The following VPS37A variants were observed in gnomAD, a reference collection of about 807,000 sequenced individuals.
VPS37A encodes VPS37A subunit of ESCRT-I, also known as vacuolar protein sorting-associated protein 37A.
VPS37A carries 30 observed loss-of-function variants against 49.8 expected under a neutral mutation model. That is an observed-to-expected ratio of 0.60 (90% CI 0.45 to 0.82). The LOEUF (loss-of-function observed/expected upper bound fraction) is 0.82. Among genes scored for constraint, VPS37A ranks in the 40% least tolerant of loss-of-function variants. The pLI, the probability that VPS37A is intolerant of heterozygous loss-of-function variation, is 0.00. For missense variants in VPS37A, 593 were observed against 464.4 expected, an observed-to-expected ratio of 1.28 and a Z score of -2.55; for synonymous variants, 195 against 160.6, an observed-to-expected ratio of 1.21 and a Z score of -1.62.
At chr8:17,247,453 C>G in intron 1 of VPS37A, 84 bp downstream of exon 1, 2 of 1,494,436 alleles carry the variant, frequency 1.3e-6, no homozygotes, top group Non-Finnish European at 1.8e-6. Flanking sequence ...GCGCCTCAGT[C>G]TGCTCCCCAC....
intron 10 of VPS37A, among the ~76,000 whole-genome samples, chr8:17,285,661 T>A (rs915277393): frequency 2.0e-5 from 3 of 152,190 alleles, no homozygotes; most frequent in Non-Finnish European, 4.4e-5. Flanking sequence ...AAATTGAAGT[T>A]CAGAGATGTT....
the VPS37A span, among the ~76,000 whole-genome samples, chr8:17,315,355 T>C: frequency 3.9e-5 from 6 of 151,992 alleles, no homozygotes; most frequent in African/African-American, 1.2e-4. Context: ...GGGAAATAAA[T>C]AGGTGGGGCA....
chr8:17,325,712 C>A, the VPS37A span, among the ~76,000 whole-genome samples: 1 of 152,198 alleles, frequency 6.6e-6, no homozygotes, highest in African/African-American at 2.4e-5. Context: ...TTTATTAAAT[C>A]ATTTTTGATG....
intron 1 of VPS37A, among the ~76,000 whole-genome samples, chr8:17,263,633 T>G (rs1813168313): frequency 6.6e-6 from 1 of 152,192 alleles, no homozygotes; most frequent in South Asian, 2.1e-4. Context: ...TATTTTAATA[T>G]GTTTTCAATG....
the VPS37A span, among the ~76,000 whole-genome samples, chr8:17,307,454 C>G: frequency 1.3e-5 from 2 of 152,126 alleles, no homozygotes; most frequent in Non-Finnish European, 2.9e-5. Flanking sequence ...TAAACTAGTT[C>G]AACCATTGTG....
chr8:17,299,244 T>G (rs1163769248), downstream of VPS37A: 1 of 152,184 alleles, frequency 6.6e-6, no homozygotes, highest in African/African-American at 2.4e-5. Flanking sequence ...AGACTATAGA[T>G]CTCAGAGAAA....
At chr8:17,311,016 A>C in the VPS37A span, among the ~76,000 whole-genome samples, 1 of 152,190 alleles carries the variant, frequency 6.6e-6, no homozygotes, top group Non-Finnish European at 1.5e-5. Flanking sequence ...CAACAACAAA[A>C]GGCTGTGAAA....
intron 6 of VPS37A, among the ~76,000 whole-genome samples, chr8:17,278,084 C>A (rs1170029399): frequency 1.3e-5 from 2 of 151,928 alleles, no homozygotes; most frequent in African/African-American, 4.8e-5. Flanking sequence ...CCTTGTGGTA[C>A]CATTGAAGAT....
At chr8:17,251,657 G>A (rs929518926) in intron 1 of VPS37A, among the ~76,000 whole-genome samples, 1 of 152,124 alleles carries the variant, frequency 6.6e-6, no homozygotes, top group African/African-American at 2.4e-5. Context: ...CATAAAATTA[G>A]GCATGATGCA....
At chr8:17,292,925 T>G (rs1196827613) in intron 11 of VPS37A, among the ~76,000 whole-genome samples, 2 of 152,200 alleles carry the variant, frequency 1.3e-5, no homozygotes, top group Non-Finnish European at 2.9e-5. Context: ...ATCTGACAAT[T>G]ACGTCTTGGG....
At chr8:17,303,377 G>A (rs1027962659), downstream of VPS37A, among the ~76,000 whole-genome samples, 6 of 152,076 alleles carry the variant, frequency 3.9e-5, no homozygotes, top group Admixed American at 6.6e-5. Context: ...CTTGAGAAAC[G>A]AAATCTATAC....
At chr8:17,258,734 T>C (rs549124902) in intron 1 of VPS37A, among the ~76,000 whole-genome samples, 2 of 152,238 alleles carry the variant, frequency 1.3e-5, no homozygotes, top group Admixed American at 1.3e-4. Flanking sequence ...CCAGCGAAGC[T>C]ATCAGGTCCT....
the VPS37A span, among the ~76,000 whole-genome samples, chr8:17,310,438 C>A: frequency 6.6e-6 from 1 of 152,134 alleles, no homozygotes; most frequent in Non-Finnish European, 1.5e-5. Flanking sequence ...GAGACATTTT[C>A]TTTGGGTTGT....
Position 17,247,180 on chromosome 8 carries a change from G to T in VPS37A, c.-65G>T. 1.3e-6 allele frequency: 2 copies of T among 1,548,854 alleles called. No individual in the cohort carries two copies. Among genetic ancestry groups the T allele is most frequent in the Non-Finnish European group, 1.7e-6 (2 of 1,147,106 alleles). On this transcript the variant is annotated 5_prime_UTR_variant, in exon 1 of 12. Transcript: ENST00000324849. Reference sequence around the variant, plus strand: ...CTCCTCTGTCGCTGGAGAACCGCCGGGCCGAGCCACTGGGAGAAGCAGGCC... The same window carrying T: ...CTCCTCTGTCGCTGGAGAACCGCCGTGCCGAGCCACTGGGAGAAGCAGGCC...
chr8:17,295,376 T>C lies in VPS37A; in HGVS notation c.*390T>C, dbSNP rs1417586611. The stretch of plus-strand genomic sequence containing the variant: ...ATCAAGGATGGTATTTAGATTTTTT[T>C]CCTCTTAACCTTTTTTCAAAAACTA... On this transcript the variant is annotated 3_prime_UTR_variant, in exon 12 of 12. Transcript: ENST00000324849. The C allele has an allele frequency of 6.6e-6, 1 of 152,612 alleles. No individual in the cohort carries two copies. The allele number at this position is 152,612 out of a possible 1,614,324, so 9.5% of individuals were successfully genotyped here.
At chr8:17,253,706 T>C (rs1405145402) in intron 1 of VPS37A, among the ~76,000 whole-genome samples, 1 of 152,212 alleles carries the variant, frequency 6.6e-6, no homozygotes, top group Non-Finnish European at 1.5e-5. Context: ...GTTAGGTGCT[T>C]TCTTCTGTGT....
At chr8:17,317,780 C>T in the VPS37A span, among the ~76,000 whole-genome samples, 1 of 152,204 alleles carries the variant, frequency 6.6e-6, no homozygotes, top group Non-Finnish European at 1.5e-5. Context: ...GTTTCTCATA[C>T]TTCCGCCATA....
intron 1 of VPS37A, among the ~76,000 whole-genome samples, chr8:17,256,331 C>A (rs919473197): frequency 9.0e-6 from 1 of 110,662 alleles, no homozygotes; most frequent in Non-Finnish European, 1.6e-5. Context: ...AGATAGGGTC[C>A]CACTGTTTGT....
intron 4 of VPS37A, among the ~76,000 whole-genome samples, chr8:17,272,435 G>A (rs1022212174): frequency 3.3e-5 from 5 of 152,070 alleles, no homozygotes; most frequent in African/African-American, 1.2e-4. Context: ...GTAGTAATAG[G>A]GCTGGATATA....
Sources: gnomAD v4.1 joint callset for allele counts (sites outside exome capture counted in the v4.1 genomes callset) on GRCh38, gnomAD v4.1.1 for gene constraint, MANE v1.5 for transcripts, NCBI Gene and HGNC (gene_info 2026-07-23, HGNC 2026-07-21) for gene names.